Variants in NTM observed in about 807,000 individuals in gnomAD.
NTM encodes IgLON family member 2.
A neutral mutation model predicts 42.1 loss-of-function variants in NTM; 13 were observed. The ratio of observed to expected loss-of-function variants is 0.31; its 90% confidence interval spans 0.20 to 0.49. NTM has a LOEUF of 0.49. Among genes scored for constraint, NTM ranks in the 20% least tolerant of loss-of-function variants. NTM has a pLI of 0.99. For missense variants in NTM, 373 were observed against 452.8 expected, an observed-to-expected ratio of 0.82 and a Z score of 1.60; for synonymous variants, 187 against 179.2, an observed-to-expected ratio of 1.04 and a Z score of -0.35.
intron 1 of NTM, among the ~76,000 whole-genome samples, chr11:131,487,452 G>A (rs1954297909): frequency 6.6e-6 from 1 of 152,204 alleles, no homozygotes; most frequent in African/African-American, 2.4e-5. Flanking sequence ...AGGTTACCAA[G>A]CTAGTAAATT....
At chr11:131,906,338 C>A (rs1469534298) in intron 1 of NTM, among the ~76,000 whole-genome samples, 1 of 152,006 alleles carries the variant, frequency 6.6e-6, no homozygotes, top group Non-Finnish European at 1.5e-5. Flanking sequence ...AGAAAGAACC[C>A]TGCTGTAGGA....
At chr11:131,633,677 CCCTCTCTCT>C (rs1462904926) in intron 1 of NTM, among the ~76,000 whole-genome samples, 6 of 127,302 alleles carry the variant, frequency 4.7e-5, no homozygotes, top group Non-Finnish European at 6.7e-5. Context: ...CTCTCTCCCT[CCCTCTCTCT>C]CTCTCTCCCT....
intron 1 of NTM, among the ~76,000 whole-genome samples, chr11:131,446,842 G>A (rs1330891290): frequency 1.1e-4 from 16 of 152,188 alleles, no homozygotes; most frequent in Admixed American, 1.0e-3. Flanking sequence ...CTGCTATCTA[G>A]AGTATTTCTA....
At chr11:131,457,907 A>G (rs1951043856) in intron 1 of NTM, among the ~76,000 whole-genome samples, 1 of 152,240 alleles carries the variant, frequency 6.6e-6, no homozygotes, top group East Asian at 1.9e-4. Context: ...AACCCAGAAG[A>G]GAGCCCTCAC....
Position 131,878,622 on chromosome 11 carries a change from T to C in NTM, c.83-32942T>C, listed in dbSNP as rs866305309. ...ATATATATATATATATATATATATA[T>C]ATATATATATATATATATAATGTCT... On this transcript the variant is annotated intron_variant, in intron 1 of 8. Transcript: ENST00000683400. Among the ~76,000 whole-genome samples, 126 of 91,370 alleles carry C rather than the reference T, an allele frequency of 1.4e-3. 28 individuals are homozygous for C. The highest frequency in any genetic ancestry group is 2.4e-3 in the Non-Finnish European group (112 of 47,068). The allele number at this position is 91,370 out of a possible 152,430, so 59.9% of individuals were successfully genotyped here.
In NTM at chr11:132,301,406, A is replaced by C. The variant is rs559483646; in HGVS notation, c.527-6283A>C. On this transcript the variant is annotated intron_variant, in intron 4 of 8. Transcript: ENST00000683400. ...TGGGTAGGGACACAGCCAAACCTCT[A>C]AAGTCTTTCATGAAAACAGCTTCTT... is the stretch of plus-strand genomic sequence containing the variant. 1.2e-3 allele frequency among the ~76,000 whole-genome samples: 187 copies of C among 152,322 alleles called. 1 individual carries two copies. The highest frequency in any genetic ancestry group is 4.1e-3 in the African/African-American group (172 of 41,582).
chr11:132,063,458 GA>G (rs2080991691), intron 2 of NTM, among the ~76,000 whole-genome samples: 1 of 152,144 alleles, frequency 6.6e-6, no homozygotes, highest in African/African-American at 2.4e-5. Context: ...GTCTATTAAT[GA>G]GAGGGTGGAA....
intron 2 of NTM, among the ~76,000 whole-genome samples, chr11:132,107,712 AATGTATCATGGGAACAATCTATGAT>A (rs1246604235): frequency 6.6e-6 from 1 of 152,048 alleles, no homozygotes; most frequent in Non-Finnish European, 1.5e-5. Context: ...ACTGTGCAGC[AATGTATCATGGGAACAATCTATGAT>A]ATGTTCTCAT....
At chr11:131,738,759 C>CAAACTACA (rs145137566) in intron 1 of NTM, among the ~76,000 whole-genome samples, 22,088 of 152,158 alleles carry the variant, frequency 0.15, 1,898 homozygotes, top group East Asian at 0.3. Context: ...TTGACATCTA[C>CAAACTACA]AAGGTGAATG....
chr11:132,209,642 G>C (rs944107747), intron 3 of NTM, among the ~76,000 whole-genome samples: 9 of 152,208 alleles, frequency 5.9e-5, no homozygotes, highest in African/African-American at 2.2e-4. Context: ...TTTAAATGCC[G>C]TATAGGAGAC....
At chr11:131,673,262 T>A (rs754104206) in intron 1 of NTM, among the ~76,000 whole-genome samples, 31 of 152,152 alleles carry the variant, frequency 2.0e-4, no homozygotes, top group Admixed American at 9.8e-4. Flanking sequence ...TGCTCAGGGC[T>A]GCCTGTGGGC....
At chr11:131,901,777 T>C (rs903082741) in intron 1 of NTM, among the ~76,000 whole-genome samples, 1 of 152,256 alleles carries the variant, frequency 6.6e-6, no homozygotes, top group Non-Finnish European at 1.5e-5. Flanking sequence ...TTTATTCACA[T>C]GCACGTTGAC....
At chr11:131,752,920 C>A (rs1229795949) in intron 1 of NTM, among the ~76,000 whole-genome samples, 2 of 152,090 alleles carry the variant, frequency 1.3e-5, no homozygotes, top group African/African-American at 4.8e-5. Context: ...AGCTTCTGCA[C>A]AGCAAAAGAA....
At chr11:131,554,534 ACAC>A in intron 1 of NTM, among the ~76,000 whole-genome samples, 1 of 144,232 alleles carries the variant, frequency 6.9e-6, no homozygotes, top group Admixed American at 6.9e-5. Flanking sequence ...ACACACACAC[ACAC>A]ACATCTACAA....
intron 1 of NTM, among the ~76,000 whole-genome samples, chr11:131,633,600 C>T (rs1187354028): frequency 1.1e-4 from 10 of 93,492 alleles, no homozygotes; most frequent in South Asian, 8.5e-4. Context: ...TCTCTCACTC[C>T]CTCCCTCTCT....
At chr11:131,566,724 G>A (rs947396840) in intron 1 of NTM, among the ~76,000 whole-genome samples, 3 of 152,330 alleles carry the variant, frequency 2.0e-5, no homozygotes. Context: ...GTTGGGCAAA[G>A]TGCTAAGGTT....
Position 132,295,486 on chromosome 11 carries a change from T to A in NTM, c.527-12203T>A, listed in dbSNP as rs935643400. The stretch of plus-strand genomic sequence containing the variant: ...TAAATAAATAACAATACCGTGTGAT[T>A]AGCAATGCTAGAGAAACAAATAAAC... On this transcript the variant is annotated intron_variant, in intron 4 of 8. Transcript: ENST00000683400. 1.2e-3 allele frequency among the ~76,000 whole-genome samples: 183 copies of A among 152,310 alleles called. 1 individual carries two copies. Among genetic ancestry groups the A allele is most frequent in the African/African-American group, 4.0e-3 (168 of 41,576 alleles).
chr11:132,257,066 A>G (rs2092540762), intron 4 of NTM, among the ~76,000 whole-genome samples: 1 of 152,248 alleles, frequency 6.6e-6, no homozygotes, highest in Non-Finnish European at 1.5e-5. Flanking sequence ...TGTGCCAAAC[A>G]ACAGGGCAAA....
chr11:131,905,035 C>A (rs2053662794), intron 1 of NTM, among the ~76,000 whole-genome samples: 1 of 152,186 alleles, frequency 6.6e-6, no homozygotes, highest in Non-Finnish European at 1.5e-5. Context: ...TGTAGGCTGA[C>A]TCAGAATGAA....
Sources: allele counts gnomAD v4.1 joint callset (sites outside exome capture counted in the v4.1 genomes callset), GRCh38; gene constraint gnomAD v4.1.1; transcripts MANE v1.5; gene names NCBI Gene and HGNC (gene_info 2026-07-23, HGNC 2026-07-21).